The following LRFN5 variants were observed in gnomAD, a reference collection of about 807,000 sequenced individuals.
The protein encoded by LRFN5 is leucine rich repeat and fibronectin type III domain containing 5.
A neutral mutation model predicts 45.6 loss-of-function variants in LRFN5; 24 were observed. That is an observed-to-expected ratio of 0.53 (90% CI 0.38 to 0.74). LRFN5 has a LOEUF of 0.74. LRFN5 is among the 30% of genes least tolerant of loss of function. The probability of loss-of-function intolerance (pLI) is 0.00; values close to 1 mark genes in which losing one functional copy is unlikely to be tolerated. For missense variants in LRFN5, 776 were observed against 861.5 expected (o/e 0.90, Z 1.24); for synonymous variants, 340 against 313.8 (o/e 1.08, Z -0.88).
At chr14:41,737,345 C>T (rs1594660445) in intron 1 of LRFN5, among the ~76,000 whole-genome samples, 1 of 152,064 alleles carries the variant, frequency 6.6e-6, no homozygotes, top group Admixed American at 6.6e-5. Flanking sequence ...ACTGATGAAA[C>T]GTATCTTAAA....
intron 4 of LRFN5, 71 bp from the exon 5 acceptor site, chr14:41,898,846 G>C: frequency 7.3e-7 from 1 of 1,372,654 alleles, no homozygotes. Context: ...CAAGATTTCA[G>C]TAAGAGGTTT....
At chr14:41,785,505 A>C (rs1405177556) in intron 2 of LRFN5, among the ~76,000 whole-genome samples, 1 of 152,108 alleles carries the variant, frequency 6.6e-6, no homozygotes, top group Non-Finnish European at 1.5e-5. Flanking sequence ...ATGATACTAT[A>C]CTATATCACA....
intron 2 of LRFN5, among the ~76,000 whole-genome samples, chr14:41,780,406 T>C (rs575460265): frequency 6.6e-6 from 1 of 152,072 alleles, no homozygotes; most frequent in African/African-American, 2.4e-5. Context: ...TCCTGAAGAA[T>C]TGACAGCTTT....
intron 1 of LRFN5, among the ~76,000 whole-genome samples, chr14:41,636,890 T>C (rs1453923013): frequency 3.9e-5 from 6 of 152,200 alleles, no homozygotes; most frequent in Non-Finnish European, 8.8e-5. Context: ...ACCAGAGCTG[T>C]GGGACCCCCC....
intron 4 of LRFN5, among the ~76,000 whole-genome samples, chr14:41,896,269 A>G (rs1434953423): frequency 6.6e-6 from 1 of 152,218 alleles, no homozygotes; most frequent in Non-Finnish European, 1.5e-5. Flanking sequence ...AATGCAAGTC[A>G]TTGTCTTCTC....
intron 2 of LRFN5, among the ~76,000 whole-genome samples, chr14:41,860,925 C>G (rs2139096927): frequency 6.6e-6 from 1 of 152,312 alleles, no homozygotes; most frequent in African/African-American, 2.4e-5. Context: ...GAATAATGCA[C>G]TTTGAAAGAA....
At chr14:41,842,142 A>G (rs1888883330) in intron 2 of LRFN5, among the ~76,000 whole-genome samples, 1 of 151,998 alleles carries the variant, frequency 6.6e-6, no homozygotes, top group East Asian at 1.9e-4. Context: ...TGGCTTTTCC[A>G]GGCTTAAGAA....
intron 4 of LRFN5, among the ~76,000 whole-genome samples, chr14:41,896,412 A>G (rs1397564759): frequency 6.6e-6 from 1 of 152,190 alleles, no homozygotes; most frequent in Admixed American, 6.5e-5. Context: ...GTGATTAACA[A>G]TGTATGCTTC....
chr14:41,832,936 A>C (rs1409114563), intron 2 of LRFN5, among the ~76,000 whole-genome samples: 1 of 152,204 alleles, frequency 6.6e-6, no homozygotes, highest in Non-Finnish European at 1.5e-5. Context: ...TCAAATCTGC[A>C]TCCATAATAA....
chr14:41,860,396 C>A (rs903570382), intron 2 of LRFN5, among the ~76,000 whole-genome samples: 2 of 151,970 alleles, frequency 1.3e-5, no homozygotes, highest in African/African-American at 2.4e-5. Flanking sequence ...GATTTATATT[C>A]TTTTTGATAT....
intron 1 of LRFN5, among the ~76,000 whole-genome samples, chr14:41,688,910 CAAAAAAAAAAA>C (rs59803978): frequency 3.2e-5 from 4 of 125,262 alleles, no homozygotes; most frequent in African/African-American, 1.2e-4. Flanking sequence ...CTATTTCTAC[CAAAAAAAAAAA>C]AAAAAAAGGA....
intron 1 of LRFN5, among the ~76,000 whole-genome samples, chr14:41,646,088 G>T (rs1182790354): frequency 6.6e-6 from 1 of 151,938 alleles, no homozygotes; most frequent in Non-Finnish European, 1.5e-5. Context: ...TAGCATATCC[G>T]TCATCTCAAA....
chr14:41,863,856 C>T (rs1017001482), intron 2 of LRFN5, among the ~76,000 whole-genome samples: 1 of 151,966 alleles, frequency 6.6e-6, no homozygotes, highest in Admixed American at 6.6e-5. Context: ...CAACAGGCCC[C>T]GGTTATGTGA....
intron 2 of LRFN5, among the ~76,000 whole-genome samples, chr14:41,789,899 AT>A (rs1886858725): frequency 9.5e-6 from 1 of 104,996 alleles, no homozygotes; most frequent in Admixed American, 9.7e-5. Context: ...ATCCGAGTTT[AT>A]GAGTGATTTT....
rs368177436 is a variant in LRFN5 at position 41,639,711 on chromosome 14, A to G, written c.-197+31149A>G. ...CAATTATTATCAAATAACTAGAGTT[A>G]TAATAAAAACTGTTGCATTGATGGT... On this transcript the variant is annotated intron_variant, in intron 1 of 5. Transcript: ENST00000298119. 7.2e-5 allele frequency among the ~76,000 whole-genome samples: 11 copies of G among 152,238 alleles called. No homozygotes were observed. The East Asian group carries it at 1.2e-3, about 16-fold the overall frequency.
intron 1 of LRFN5, among the ~76,000 whole-genome samples, chr14:41,670,692 A>G (rs1007409037): frequency 6.6e-6 from 1 of 151,958 alleles, no homozygotes; most frequent in Non-Finnish European, 1.5e-5. Context: ...TCACTGAAAT[A>G]GGCTCAGGAT....
intron 2 of LRFN5, among the ~76,000 whole-genome samples, chr14:41,881,489 T>A (rs927455723): frequency 1.3e-5 from 2 of 152,036 alleles, no homozygotes; most frequent in Non-Finnish European, 2.9e-5. Context: ...TTTCAGCCAT[T>A]TGTTCTTTTG....
At chr14:41,623,072 G>A (rs1888189935) in intron 1 of LRFN5, among the ~76,000 whole-genome samples, 1 of 152,072 alleles carries the variant, frequency 6.6e-6, no homozygotes, top group Non-Finnish European at 1.5e-5. Context: ...CAGTTTGAGA[G>A]CCTCTGTTTC....
At chr14:41,670,872 A>G (rs183411484) in intron 1 of LRFN5, among the ~76,000 whole-genome samples, 2 of 152,080 alleles carry the variant, frequency 1.3e-5, no homozygotes, top group Admixed American at 1.3e-4. Flanking sequence ...ACACTACACT[A>G]TTATTTCTTA....
Sources: gnomAD v4.1 joint callset for allele counts (sites outside exome capture counted in the v4.1 genomes callset) on GRCh38, gnomAD v4.1.1 for gene constraint, MANE v1.5 for transcripts, NCBI Gene and HGNC (gene_info 2026-07-23, HGNC 2026-07-21) for gene names.